The following POLD1 variants were observed in gnomAD, a reference collection of about 807,000 sequenced individuals.
POLD1 encodes DNA polymerase delta catalytic subunit.
Under a neutral mutation model 129.7 loss-of-function variants are expected in POLD1, and 79 were observed. The ratio of observed to expected loss-of-function variants is 0.61; its 90% CI spans 0.51 to 0.73. The LOEUF is 0.73. Ranked by LOEUF, POLD1 falls within the 30% of genes least tolerant of loss-of-function variation. The pLI is 0.00. For synonymous variants in POLD1, 714 were observed against 683.3 expected, an observed-to-expected ratio of 1.04 and a Z score of -0.70; for missense variants, 1,338 against 1,595.8, an observed-to-expected ratio of 0.84 and a Z score of 2.75.
rs541704181 is a variant in POLD1 at position 50,397,230 on chromosome 19, C to T, written c.-1-1621C>T. Among the ~76,000 whole-genome samples, 35 of 151,760 alleles carry T rather than the reference C, an allele frequency of 2.3e-4. 1 individual carries two copies. The highest frequency in any genetic ancestry group is 4.6e-4 in the Non-Finnish European group (31 of 67,950). On this transcript the variant is annotated intron_variant, in intron 1 of 26. Coordinates refer to ENST00000440232, the MANE Select transcript of POLD1 (RefSeq NM_002691.4). ...CCTGGCCAACATGGTGAAACCCCGT[C>T]TCTACTAAAAATACAAAAATTAGCT...
At chr19:50,387,461 A>G (rs1334284897) in intron 1 of POLD1, among the ~76,000 whole-genome samples, 18 of 152,098 alleles carry the variant, frequency 1.2e-4, no homozygotes, top group Admixed American at 1.0e-3. Context: ...GGGGCAGAGG[A>G]CAGTGTTTGC....
chr19:50,399,303 C>A (rs2038492712), intron 2 of POLD1, 68 bp from the exon 3 acceptor site: 1 of 1,360,900 alleles, frequency 7.3e-7, no homozygotes, highest in Non-Finnish European at 1.0e-6. Flanking sequence ...CCTTTCAGAA[C>A]CACATGCCAT....
chr19:50,409,526 G>A lies in POLD1; in HGVS notation c.2014G>A (p.Ala672Thr), dbSNP rs917518347. ...CCCCGTGTTCCCTCGCAGGGCCAAGGCCGAGCTGGCCAAGGAGACAGACCC... is the reference window on the plus strand; with the variant it reads ...CCCCGTGTTCCCTCGCAGGGCCAAGACCGAGCTGGCCAAGGAGACAGACCC... ...NLLSARKRAK[A>T]ELAKETDPLR... Residue 672 changes from alanine to threonine, a missense_variant, in exon 17 of 27, where the codon GCC becomes ACC. Coordinates refer to ENST00000440232, the MANE Select transcript of POLD1 (RefSeq NM_002691.4). This position sits in a 1 kb window ranked among gnomAD's most constrained non-coding sequence, Gnocchi z 5.8. 2 of 1,613,434 alleles carry A rather than the reference G, an allele frequency of 1.2e-6. No homozygotes were observed. Among genetic ancestry groups the A allele is most frequent in the Admixed American group, 1.7e-5 (1 of 60,008 alleles).
In POLD1 at chr19:50,406,719, A is replaced by G. The variant is rs2038899788; in HGVS notation, c.1494+202A>G. On this transcript the variant is annotated intron_variant, in intron 12 of 26. Transcript: ENST00000440232. The surrounding 1 kb of genome is among the most constrained non-coding windows in gnomAD (Gnocchi z 5.5). ...CACTCCTGTGACCTCTGTCACTATG[A>G]CCTTGTCTCTGCTTTCCTGGCCTGA... Among the ~76,000 whole-genome samples the G allele has an allele frequency of 6.6e-6, 1 of 151,814 alleles. No individual in the cohort carries two copies. Among genetic ancestry groups the G allele is most frequent in the African/African-American group, 2.4e-5 (1 of 41,304 alleles).
intron 1 of POLD1, among the ~76,000 whole-genome samples, chr19:50,391,409 T>A (rs1267921348): frequency 1.3e-5 from 2 of 152,096 alleles, no homozygotes; most frequent in African/African-American, 4.8e-5. Context: ...CTGGGCACCA[T>A]TGAGCACTGA....
At chr19:50,411,917 A>G (rs1022216616) in intron 17 of POLD1, among the ~76,000 whole-genome samples, 8 of 152,108 alleles carry the variant, frequency 5.3e-5, no homozygotes, top group Non-Finnish European at 1.2e-4. Flanking sequence ...AGGGAGGATC[A>G]CTTGAGGCCA....
In POLD1 at chr19:50,398,500, G is replaced by A. The variant is rs2038451095; in HGVS notation, c.-1-351G>A. 2.9e-5 allele frequency among the ~76,000 whole-genome samples: 4 copies of A among 136,238 alleles called. No individual in the cohort carries two copies. In the South Asian group the frequency reaches 7.3e-4, roughly 25 times the overall value. The allele number at this position is 136,238 out of a possible 152,430, so 89.4% of individuals were successfully genotyped here. A position where few individuals can be genotyped will look rare whatever the true frequency, so the allele number is the denominator to read the frequency against. ...GGGGAGAATCGCTTGAACCTGGGAGGTAGAGCTTGCAGTGAGCCGAGATCA... is the reference window on the plus strand; with the variant it reads ...GGGGAGAATCGCTTGAACCTGGGAGATAGAGCTTGCAGTGAGCCGAGATCA... On this transcript the variant is annotated intron_variant, in intron 1 of 26. Coordinates refer to ENST00000440232, the MANE Select transcript of POLD1 (RefSeq NM_002691.4).
chr19:50,397,953 T>G (rs1327014207), intron 1 of POLD1, among the ~76,000 whole-genome samples: 5 of 152,314 alleles, frequency 3.3e-5, no homozygotes, highest in African/African-American at 1.2e-4. Flanking sequence ...AATTCCTTAT[T>G]GTTAGGCACT....
At position 50,406,735 on chromosome 19, in the gene POLD1, C is replaced by T. The variant is rs898005847; in HGVS notation, c.1494+218C>T. Among the ~76,000 whole-genome samples, 3 of 152,148 alleles carry T rather than the reference C, an allele frequency of 2.0e-5. No homozygotes were observed. The highest frequency in any genetic ancestry group is 4.8e-5 in the African/African-American group (2 of 41,422). On this transcript the variant is annotated intron_variant, in intron 12 of 26. Coordinates refer to ENST00000440232, the MANE Select transcript of POLD1 (RefSeq NM_002691.4). This position sits in a 1 kb window ranked among gnomAD's most constrained non-coding sequence, Gnocchi z 5.5. Reference sequence around the variant, plus strand: ...GTCACTATGACCTTGTCTCTGCTTTCCTGGCCTGACCACAGGTCCACGGTG... The same window carrying T: ...GTCACTATGACCTTGTCTCTGCTTTTCTGGCCTGACCACAGGTCCACGGTG...
At chr19:50,415,970 G>A (rs1053375970) in intron 22 of POLD1, 144 bp downstream of exon 22, 1 of 635,674 alleles carries the variant, frequency 1.6e-6, no homozygotes, top group Non-Finnish European at 2.7e-6. Context: ...CCTGGGTGTG[G>A]CCTCGGCCCC....
chr19:50,410,471 A>G (rs1272852210), intron 17 of POLD1, among the ~76,000 whole-genome samples: 1 of 151,292 alleles, frequency 6.6e-6, no homozygotes, highest in Non-Finnish European at 1.5e-5. Flanking sequence ...GCACACACCC[A>G]CCCACCCGCA....
At chr19:50,399,528 T>C in intron 3 of POLD1, 44 bp downstream of exon 3, 1 of 1,435,692 alleles carries the variant, frequency 7.0e-7, no homozygotes, top group Non-Finnish European at 9.8e-7. Context: ...CCTGCGCTCC[T>C]GGGGCAGAGG....
intron 1 of POLD1, among the ~76,000 whole-genome samples, chr19:50,398,370 G>A (rs1020633620): frequency 4.6e-5 from 7 of 151,912 alleles, no homozygotes; most frequent in Admixed American, 3.3e-4. Context: ...TCAGGAGTTC[G>A]AGACCAGCCT....
chr19:50,403,146 T>A lies in POLD1; in HGVS notation c.1064T>A (p.Leu355His). 6.4e-7 allele frequency: 1 copy of A among 1,561,058 alleles called. No homozygotes were observed. The highest frequency in any genetic ancestry group is 8.7e-7 in the Non-Finnish European group (1 of 1,152,332). Reference protein sequence around the residue: ...GEPEPFLRLALTLRPCAPILG... With the variant: ...GEPEPFLRLAHTLRPCAPILG... ...CCGGAGCCCTTCCTACGCCTGGCGC[T>A]CACCCTGCGGCCCTGTGCCCCCATC... is the stretch of plus-strand genomic sequence containing the variant. The change falls in exon 9 of 27, where the codon CTC (leucine) becomes CAC (histidine). Residue 355 changes from leucine to histidine, a missense_variant. Physicochemically the swap from Leu to His is moderately conservative, Grantham distance 99 (BLOSUM62 -3). Around this residue, in one of 3 missense-constraint regions of POLD1, gnomAD observed 720 missense variants for 1,002.6 expected, o/e 0.72. Transcript: ENST00000440232.
intron 1 of POLD1, chr19:50,394,999 C>G (rs2038295778): frequency 7.3e-6 from 1 of 137,380 alleles, no homozygotes; most frequent in Non-Finnish European, 1.5e-5. Context: ...CCATGCCCAG[C>G]TAATTTTTTT....
chr19:50,401,391 A>ATTTTTTTTTTTTT (rs1203165864), intron 3 of POLD1, among the ~76,000 whole-genome samples: 12 of 65,948 alleles, frequency 1.8e-4, no homozygotes, highest in South Asian at 5.9e-4. Context: ...ATATATATAT[A>ATTTTTTTTTTTTT]TTTTTTTTTT....
intron 1 of POLD1, among the ~76,000 whole-genome samples, chr19:50,398,342 C>T (rs1030866756): frequency 4.0e-5 from 6 of 151,808 alleles, no homozygotes; most frequent in Non-Finnish European, 5.9e-5. Flanking sequence ...GAGGCTGAGG[C>T]GAGTGGATCA....
In POLD1 at chr19:50,416,624, C is replaced by A; in HGVS notation, c.2968C>A (p.Arg990Ser). ...CTCTCCTGCAGGGGGGGACCACACG[C>A]GCTGCAAGACGGTGCTCACGGGCAA... Reference protein sequence around the residue: ...EAVLLRGDHTRCKTVLTGKVG... With the variant: ...EAVLLRGDHTSCKTVLTGKVG... Residue 990 changes from arginine (R) to serine (S), a missense_variant, in exon 24 of 27, where the codon CGC becomes AGC. Physicochemically the swap from Arg to Ser is moderately radical, Grantham distance 110. This residue lies in a region of POLD1 where 286 missense variants were observed against 277.5 expected (regional missense o/e 1.03). Coordinates refer to ENST00000440232, the MANE Select transcript of POLD1 (RefSeq NM_002691.4). 1 of 1,563,762 alleles carries A rather than the reference C, an allele frequency of 6.4e-7. No individual in the cohort carries two copies. Among genetic ancestry groups the A allele is most frequent in the Non-Finnish European group, 8.6e-7 (1 of 1,158,480 alleles).
chr19:50,398,243 C>T (rs188339849), intron 1 of POLD1, among the ~76,000 whole-genome samples: 19 of 152,098 alleles, frequency 1.2e-4, no homozygotes, highest in East Asian at 5.8e-4. Flanking sequence ...GGTTGGTAGG[C>T]GAGGTATCGG....
Sources: gnomAD v4.1 joint callset for allele counts (sites outside exome capture counted in the v4.1 genomes callset) on GRCh38, gnomAD v4.1.1 for gene constraint, gnomAD v4.1.1 regional missense constraint, Gnocchi (gnomAD v3.1) non-coding constraint, MANE v1.5 for transcripts, NCBI Gene and HGNC (gene_info 2026-07-23, HGNC 2026-07-21) for gene names.